The following COL4A6 variants were observed in gnomAD, a reference collection of about 807,000 sequenced individuals.
The protein encoded by COL4A6 is collagen alpha-6(IV) chain.
COL4A6 carries 59 observed loss-of-function variants against 126.7 expected under a neutral mutation model. The ratio of observed to expected loss-of-function variants is 0.47; its 90% CI spans 0.38 to 0.58. The LOEUF is 0.58. Among genes scored for constraint, COL4A6 ranks in the 20% least tolerant of loss-of-function variants. COL4A6 has a pLI of 0.00. For missense variants in COL4A6, 1,285 were observed against 1,337.3 expected (o/e 0.96, Z 0.61); for synonymous variants, 547 against 496.6 (o/e 1.10, Z -1.35).
At chrX:108,351,431 A>ACT (rs57530249) in intron 2 of COL4A6, among the ~76,000 whole-genome samples, 10 of 92,658 alleles carry the variant, frequency 1.1e-4, no homozygotes, top group Non-Finnish European at 2.2e-4. Flanking sequence ...AAAGGAGGTA[A>ACT]CTCTCTCTCT....
chrX:108,171,479 T>C lies in COL4A6; in HGVS notation c.3203-18A>G. Reference sequence around the variant, plus strand: ...GTTGTCTCCTGAGGATTCCAATACATTGTTTAAATGGCCAGGAGAAGCTAT... The same window carrying C: ...GTTGTCTCCTGAGGATTCCAATACACTGTTTAAATGGCCAGGAGAAGCTAT... On this transcript the variant is annotated intron_variant, in intron 32 of 44. Transcript: ENST00000334504. 1 of 1,173,091 alleles carries C rather than the reference T, an allele frequency of 8.5e-7. No homozygotes were observed.
rs763635830 is a variant in COL4A6, at chrX:108,417,362, T to C, written c.63+20580A>G. On this transcript the variant is annotated intron_variant, in intron 2 of 44. Coordinates refer to ENST00000334504, the MANE Select transcript of COL4A6 (RefSeq NM_033641.4). ...TCTTAGTACAATAACTGGCATATAG[T>C]ATTATCATCATCCTTTTGCCACTGT... 1.3e-4 allele frequency among the ~76,000 whole-genome samples: 15 copies of C among 112,240 alleles called. No homozygotes were observed. The South Asian group carries it at 1.5e-3, about 11-fold the overall frequency.
intron 3 of COL4A6, among the ~76,000 whole-genome samples, chrX:108,287,895 T>G (rs1270613075): frequency 8.9e-6 from 1 of 111,916 alleles, no homozygotes; most frequent in Non-Finnish European, 1.9e-5. Context: ...GTCCAGGTAA[T>G]AAGCTGGGGT....
At chrX:108,182,226 T>C (rs1326922142) in intron 23 of COL4A6, among the ~76,000 whole-genome samples, 1 of 112,619 alleles carries the variant, frequency 8.9e-6, no homozygotes, top group Admixed American at 9.4e-5. Flanking sequence ...ATATGGTGTG[T>C]GTGAGGATTA....
chrX:108,414,669 G>A (rs1368287199), intron 2 of COL4A6, among the ~76,000 whole-genome samples: 3 of 108,195 alleles, frequency 2.8e-5, no homozygotes, highest in Middle Eastern at 4.3e-3. Flanking sequence ...GTGCACACCT[G>A]TAGACCTAGC....
intron 13 of COL4A6, among the ~76,000 whole-genome samples, chrX:108,200,051 A>G (rs1342832452): frequency 1.8e-5 from 2 of 112,069 alleles, no homozygotes; most frequent in Non-Finnish European, 3.8e-5. Flanking sequence ...CACAGGGACA[A>G]TGCCAGGTGG....
At chrX:108,424,549 C>T (rs189625875) in intron 2 of COL4A6, among the ~76,000 whole-genome samples, 33 of 111,090 alleles carry the variant, frequency 3.0e-4, no homozygotes, top group African/African-American at 8.9e-4. Flanking sequence ...TCCCTAACTA[C>T]AATCCATATT....
At chrX:108,376,113 T>C (rs1437898435) in intron 2 of COL4A6, among the ~76,000 whole-genome samples, 2 of 111,796 alleles carry the variant, frequency 1.8e-5, no homozygotes, top group African/African-American at 6.5e-5. Flanking sequence ...AATAAAAATA[T>C]ATCCAATTAC....
chrX:108,335,333 T>C (rs1251052469), intron 2 of COL4A6, among the ~76,000 whole-genome samples: 2 of 112,157 alleles, frequency 1.8e-5, no homozygotes, highest in Non-Finnish European at 3.8e-5. Context: ...ACTATTTATA[T>C]TCTTGGTTTA....
chrX:108,422,017 A>G (rs951494361), intron 2 of COL4A6, among the ~76,000 whole-genome samples: 1 of 112,357 alleles, frequency 8.9e-6, no homozygotes, highest in Non-Finnish European at 1.9e-5. Context: ...TGTTTGAAGA[A>G]TGCACATTAA....
chrX:108,295,311 G>A (rs1223076249), intron 3 of COL4A6, among the ~76,000 whole-genome samples: 3 of 111,676 alleles, frequency 2.7e-5, no homozygotes, highest in African/African-American at 9.8e-5. Context: ...CACTTCTTTC[G>A]GGAGCTCTGG....
intron 3 of COL4A6, among the ~76,000 whole-genome samples, chrX:108,283,129 C>G (rs1196495892): frequency 3.7e-5 from 4 of 107,141 alleles, no homozygotes; most frequent in Non-Finnish European, 3.8e-5. Flanking sequence ...CACTTGTACC[C>G]TAAAACTTAA....
rs752459710 is a variant in COL4A6, at chrX:108,410,822, G to T, written c.63+27120C>A. Among the ~76,000 whole-genome samples, 4 of 111,248 alleles carry T rather than the reference G, an allele frequency of 3.6e-5. No homozygotes were observed. The East Asian group carries it at 8.4e-4, about 23-fold the overall frequency. Reference sequence around the variant, plus strand: ...AGGTACCCCATACTTCCATTTTCTCGAGTGACATTTTCACCAAGAACTCAA... The same window carrying T: ...AGGTACCCCATACTTCCATTTTCTCTAGTGACATTTTCACCAAGAACTCAA... On this transcript the variant is annotated intron_variant, in intron 2 of 44. Transcript: ENST00000334504.
At chrX:108,192,958 G>A (rs1051863318) in intron 17 of COL4A6, among the ~76,000 whole-genome samples, 2 of 112,409 alleles carry the variant, frequency 1.8e-5, no homozygotes, top group African/African-American at 3.2e-5. Context: ...GGAAGCCACT[G>A]TCAAATATTA....
rs752187746 is a variant in COL4A6, at chrX:108,170,729, C to T, written c.3386-13G>A. The T allele has an allele frequency of 2.5e-5, 30 of 1,202,165 alleles. No individual in the cohort carries two copies. In the Admixed American group the frequency reaches 2.9e-4, roughly 12 times the overall value. On this transcript the variant is annotated splice_polypyrimidine_tract_variant and intron_variant, in intron 34 of 44. Coordinates refer to ENST00000334504, the MANE Select transcript of COL4A6 (RefSeq NM_033641.4). ...ACTCCTGGAAATCCTAAATGTGAAA[C>T]CAAGGCAGAGGTTCAGAATGGGGCA...
rs59212608 is a variant in COL4A6, at chrX:108,403,233, GCTCTCT to G, written c.63+34703_63+34708del. On this transcript the variant is annotated intron_variant, in intron 2 of 44. Transcript: ENST00000334504. ...CCACAATGTATCTATGCAAAGATTA[GCTCTCT>G]CTCTCTCTCTCTCTCTCTCTCTCTC... 6.2e-3 allele frequency among the ~76,000 whole-genome samples: 388 copies of G among 62,319 alleles called. 7 individuals are homozygous for G. The highest frequency in any genetic ancestry group is 0.032 in the East Asian group (47 of 1,461). 54.1% of individuals were successfully genotyped at this position (62,319 alleles called of 115,157 possible). A position where few individuals can be genotyped will look rare whatever the true frequency, so the allele number is the denominator to read the frequency against.
intron 2 of COL4A6, among the ~76,000 whole-genome samples, chrX:108,321,584 T>C (rs2039031531): frequency 9.0e-6 from 1 of 111,629 alleles, no homozygotes; most frequent in Non-Finnish European, 1.9e-5. Context: ...TTATTTTTCA[T>C]ATGACCATTT....
intron 2 of COL4A6, among the ~76,000 whole-genome samples, chrX:108,335,291 AT>A (rs1490328155): frequency 1.8e-5 from 2 of 111,863 alleles, no homozygotes; most frequent in Non-Finnish European, 3.8e-5. Flanking sequence ...TATCCCATCT[AT>A]TATTCACAAA....
chrX:108,309,285 T>C lies in COL4A6; in HGVS notation c.144+1463A>G, dbSNP rs187716258. Among the ~76,000 whole-genome samples, 55 of 110,677 alleles carry C rather than the reference T, an allele frequency of 5.0e-4. 1 individual carries two copies. Among genetic ancestry groups the C allele is most frequent in the African/African-American group, 1.8e-3 (55 of 30,401 alleles). On this transcript the variant is annotated intron_variant, in intron 3 of 44. Transcript: ENST00000334504. ...TCTTGGTGGCTACAGTGAACATGTC[T>C]TCCGTGAGAGGCAGCAGTAGATAAG...
Sources: allele counts gnomAD v4.1 joint callset (sites outside exome capture counted in the v4.1 genomes callset), GRCh38; gene constraint gnomAD v4.1.1; transcripts MANE v1.5; gene names NCBI Gene and HGNC (gene_info 2026-07-23, HGNC 2026-07-21).